Variants in CHRM3 observed in about 807,000 individuals in gnomAD.
The protein encoded by CHRM3 is cholinergic receptor muscarinic 3.
A neutral mutation model predicts 41.8 loss-of-function variants in CHRM3; 11 were observed. The observed-to-expected ratio is 0.26, with a 90% CI of 0.17 to 0.44. The LOEUF (loss-of-function observed/expected upper bound fraction) is 0.44. Among genes scored for constraint, CHRM3 ranks in the 20% least tolerant of loss-of-function variants. CHRM3 has a pLI of 1.00. For synonymous variants in CHRM3, 297 were observed against 301.4 expected (o/e 0.99, Z 0.15); for missense variants, 571 against 745.4 (o/e 0.77, Z 2.72).
chr1:239,706,035 G>T (rs1661127838), intron 5 of CHRM3, among the ~76,000 whole-genome samples: 1 of 149,792 alleles, frequency 6.7e-6, no homozygotes, highest in African/African-American at 2.4e-5. Context: ...CATTTATTTA[G>T]ATTATTTTAA....
chr1:239,804,190 T>C (rs1558136646), intron 5 of CHRM3, among the ~76,000 whole-genome samples: 1 of 152,168 alleles, frequency 6.6e-6, no homozygotes, highest in Non-Finnish European at 1.5e-5. Flanking sequence ...TTTGAGATAT[T>C]TCCAAGAGCA....
chr1:239,578,386 T>C (rs1354936072), intron 3 of CHRM3, among the ~76,000 whole-genome samples: 2 of 152,212 alleles, frequency 1.3e-5, no homozygotes, highest in African/African-American at 2.4e-5. Context: ...GTGATACCAC[T>C]TTGTTCAGAA....
At chr1:239,492,269 C>T (rs974348780) in intron 1 of CHRM3, among the ~76,000 whole-genome samples, 1 of 152,174 alleles carries the variant, frequency 6.6e-6, no homozygotes, top group South Asian at 2.1e-4. Flanking sequence ...TTGCTCTTCT[C>T]CTTTGAAAAC....
intron 3 of CHRM3, among the ~76,000 whole-genome samples, chr1:239,547,852 A>G (rs1659442030): frequency 6.6e-6 from 1 of 152,138 alleles, no homozygotes; most frequent in Admixed American, 6.5e-5. Flanking sequence ...CAAAATGCAA[A>G]CATAGCTTGA....
intron 6 of CHRM3, among the ~76,000 whole-genome samples, chr1:239,900,070 G>A (rs771614831): frequency 2.6e-5 from 4 of 152,182 alleles, no homozygotes; most frequent in Non-Finnish European, 5.9e-5. Flanking sequence ...ACTTCCTGTA[G>A]GTCCCCTCAC....
intron 3 of CHRM3, among the ~76,000 whole-genome samples, chr1:239,580,704 T>TATATATATATATATACACACACACACAC (rs570878631): frequency 1.5e-5 from 2 of 131,084 alleles, no homozygotes; most frequent in African/African-American, 5.7e-5. Context: ...TATATATATA[T>TATATATATATATATACACACACACACAC]ACACACACAC....
intron 3 of CHRM3, among the ~76,000 whole-genome samples, chr1:239,626,972 T>G (rs1395421838): frequency 1.0e-3 from 107 of 103,556 alleles, no homozygotes; most frequent in African/African-American, 3.9e-3. Flanking sequence ...AAAAAATGTA[T>G]ATTCTGTTGA....
chr1:239,681,270 T>A (rs1339982819), intron 5 of CHRM3, among the ~76,000 whole-genome samples: 2 of 152,202 alleles, frequency 1.3e-5, no homozygotes, highest in Non-Finnish European at 2.9e-5. Context: ...ATGCCCATGG[T>A]TACATTTCCC....
intron 1 of CHRM3, among the ~76,000 whole-genome samples, chr1:239,484,638 G>A (rs1667071200): frequency 6.6e-6 from 1 of 152,102 alleles, no homozygotes; most frequent in Admixed American, 6.6e-5. Flanking sequence ...GTTTGAGGTT[G>A]CAGTGAGGTA....
In CHRM3 at chr1:239,453,628, G is replaced by A. The variant is rs558785005; in HGVS notation, c.-520-39081G>A. Among the ~76,000 whole-genome samples the A allele has an allele frequency of 5.3e-5, 8 of 152,196 alleles. No homozygotes were observed. The South Asian group carries it at 1.7e-3, about 32-fold the overall frequency. On this transcript the variant is annotated intron_variant, in intron 1 of 6. Transcript: ENST00000676153. Reference sequence around the variant, plus strand: ...CAAGTTTAGCTATTAAAAAAAGAAGGATGCACGTAGGTATATATTATGCAT... The same window carrying A: ...CAAGTTTAGCTATTAAAAAAAGAAGAATGCACGTAGGTATATATTATGCAT...
intron 1 of CHRM3, among the ~76,000 whole-genome samples, chr1:239,389,988 CT>C (rs1234084883): frequency 4.6e-5 from 7 of 152,174 alleles, no homozygotes; most frequent in African/African-American, 7.2e-5. Flanking sequence ...AGAAGTGTAT[CT>C]GTCCTTCACT....
intron 1 of CHRM3, among the ~76,000 whole-genome samples, chr1:239,454,958 T>A (rs1255219648): frequency 6.6e-6 from 1 of 152,200 alleles, no homozygotes; most frequent in Non-Finnish European, 1.5e-5. Context: ...CATAGAATTA[T>A]GTATAGTACA....
chr1:239,636,623 G>A (rs1027578135), intron 4 of CHRM3, among the ~76,000 whole-genome samples: 4 of 152,168 alleles, frequency 2.6e-5, no homozygotes, highest in African/African-American at 9.7e-5. Flanking sequence ...CACATTGACA[G>A]CACTTTTGGG....
chr1:239,460,770 C>A (rs1481624953), intron 1 of CHRM3, among the ~76,000 whole-genome samples: 4 of 152,014 alleles, frequency 2.6e-5, no homozygotes, highest in African/African-American at 9.7e-5. Context: ...TGGTGGGAAA[C>A]AAATGAAATT....
At chr1:239,520,570 T>C (rs1004824820) in intron 2 of CHRM3, among the ~76,000 whole-genome samples, 1 of 152,206 alleles carries the variant, frequency 6.6e-6, no homozygotes, top group African/African-American at 2.4e-5. Context: ...GTCTGTGTTA[T>C]GCTTCTTGTA....
intron 2 of CHRM3, among the ~76,000 whole-genome samples, chr1:239,506,585 A>G (rs550748312): frequency 1.3e-5 from 2 of 152,242 alleles, no homozygotes; most frequent in South Asian, 2.1e-4. Context: ...CTCATGGACA[A>G]CTTCTGCTAG....
intron 2 of CHRM3, among the ~76,000 whole-genome samples, chr1:239,536,313 C>T (rs556138487): frequency 2.6e-5 from 4 of 152,108 alleles, no homozygotes; most frequent in Admixed American, 6.5e-5. Flanking sequence ...CTGGAAGACA[C>T]GGTTACAAGT....
At chr1:239,465,078 T>C (rs141187446) in intron 1 of CHRM3, among the ~76,000 whole-genome samples, 41 of 152,320 alleles carry the variant, frequency 2.7e-4, no homozygotes, top group African/African-American at 9.6e-4. Flanking sequence ...CAAAATTTTC[T>C]GTGTAAATGT....
Position 239,387,587 on chromosome 1 carries a change from T to A in CHRM3, c.-521+360T>A, listed in dbSNP as rs1658635880. ...CGCTCTCCCTCGCTTCGATTCTCTCTTCGCCACTGCCGGATCTGAGGCTCC... is the reference window on the plus strand; with the variant it reads ...CGCTCTCCCTCGCTTCGATTCTCTCATCGCCACTGCCGGATCTGAGGCTCC... On this transcript the variant is annotated intron_variant, in intron 1 of 6. Coordinates refer to ENST00000676153, the MANE Select transcript of CHRM3 (RefSeq NM_001375978.1). This position sits in a 1 kb window ranked among gnomAD's most constrained non-coding sequence, Gnocchi z 5.1. Among the ~76,000 whole-genome samples the A allele has an allele frequency of 6.6e-6, 1 of 152,088 alleles. No homozygotes were observed. The highest frequency in any genetic ancestry group is 2.1e-4 in the South Asian group (1 of 4,818).
Sources: allele counts gnomAD v4.1 joint callset (sites outside exome capture counted in the v4.1 genomes callset), GRCh38; gene constraint gnomAD v4.1.1; non-coding constraint Gnocchi (gnomAD v3.1); transcripts MANE v1.5; gene names NCBI Gene and HGNC (gene_info 2026-07-23, HGNC 2026-07-21).